ANO4: variants seen among roughly 807,000 people sequenced by gnomAD.
ANO4 encodes anoctamin 4.
Under a neutral mutation model 141.9 loss-of-function variants are expected in ANO4, and 69 were observed. The ratio of observed to expected loss-of-function variants is 0.49; its 90% CI spans 0.40 to 0.59. The LOEUF is 0.59. Ranked by LOEUF, ANO4 falls within the 20% of genes least tolerant of loss-of-function variation. ANO4 has a pLI of 0.00. For synonymous variants in ANO4, 350 were observed against 394.3 expected (o/e 0.89, Z 1.33); for missense variants, 894 against 1,162.2 (o/e 0.77, Z 3.36).
At chr12:100,920,376 T>G (rs1271606250) in intron 2 of ANO4, among the ~76,000 whole-genome samples, 1 of 152,160 alleles carries the variant, frequency 6.6e-6, no homozygotes, top group Non-Finnish European at 1.5e-5. Flanking sequence ...AATGATATCA[T>G]AAAGTACATA....
chr12:100,823,430 C>A (rs1005618173), intron 1 of ANO4, among the ~76,000 whole-genome samples: 1 of 151,914 alleles, frequency 6.6e-6, no homozygotes, highest in African/African-American at 2.4e-5. Flanking sequence ...CATTTAAATG[C>A]TAAATTTTCT....
intron 11 of ANO4, among the ~76,000 whole-genome samples, chr12:101,041,532 C>T (rs369272271): frequency 1.2e-4 from 18 of 151,992 alleles, no homozygotes; most frequent in African/African-American, 1.7e-4. Flanking sequence ...TAAGATTTTG[C>T]GGTTTTGGTT....
intron 8 of ANO4, among the ~76,000 whole-genome samples, chr12:101,010,812 A>G (rs899363366): frequency 6.6e-6 from 1 of 152,220 alleles, no homozygotes; most frequent in Admixed American, 6.5e-5. Flanking sequence ...ACATCAGAAA[A>G]GACTGGTATG....
intron 18 of ANO4, 74 bp from the exon 19 acceptor site, chr12:101,096,462 T>G (rs775361837): frequency 4.3e-6 from 5 of 1,174,306 alleles, no homozygotes; most frequent in South Asian, 1.3e-5. Context: ...CCTGTGTGTG[T>G]GGGGAGGGAA....
chr12:101,042,240 A>C, intron 11 of ANO4, 94 bp from the exon 12 acceptor site: 1 of 1,498,384 alleles, frequency 6.7e-7, no homozygotes, highest in Non-Finnish European at 9.1e-7. Flanking sequence ...TTACCTCGTA[A>C]GGCCGCTACA....
chr12:100,916,590 G>A (rs73389666), intron 2 of ANO4, among the ~76,000 whole-genome samples: 7,064 of 152,130 alleles, frequency 0.046, 568 homozygotes, highest in African/African-American at 0.16. Flanking sequence ...GGAAAAACTA[G>A]GAACTTAAAC....
intron 7 of ANO4, among the ~76,000 whole-genome samples, chr12:100,976,909 GTCT>G (rs978208909): frequency 6.6e-6 from 1 of 152,210 alleles, no homozygotes; most frequent in Non-Finnish European, 1.5e-5. Flanking sequence ...GTTGGGAGAA[GTCT>G]TATTCTTGTT....
At chr12:100,987,429 GGCCTGGAATGTGTGGTATGATAGTT>G (rs1412530223) in intron 7 of ANO4, 85 bp from the exon 8 acceptor site, 4 of 1,343,332 alleles carry the variant, frequency 3.0e-6, no homozygotes, top group Non-Finnish European at 4.1e-6. Flanking sequence ...GCAGTGAGAG[GGCCTGGAATGTGTGGTATGATAGTT>G]GTGGCTCTGC....
intron 3 of ANO4, among the ~76,000 whole-genome samples, chr12:100,765,112 C>T (rs997374633): frequency 5.9e-5 from 9 of 152,106 alleles, no homozygotes; most frequent in South Asian, 2.1e-4. Flanking sequence ...TGGAAGGTTT[C>T]GATTGCTGAT....
chr12:100,754,662 C>T (rs2032532196), intron 3 of ANO4, among the ~76,000 whole-genome samples: 1 of 152,022 alleles, frequency 6.6e-6, no homozygotes, highest in Non-Finnish European at 1.5e-5. Flanking sequence ...AAAAACAGCC[C>T]AAATGTCCAT....
rs1347902031 is a variant in ANO4 at position 101,127,062 on chromosome 12, T to G, written c.2860T>G (p.Trp954Gly). 1.2e-6 allele frequency: 2 copies of G among 1,612,608 alleles called. No individual in the cohort carries two copies. Residue 954 changes from tryptophan (W) to glycine (G), a missense_variant, in exon 27 of 28, where the codon TGG becomes GGG. Trp to Gly is a radical substitution (Grantham distance 184, BLOSUM62 -2). Transcript: ENST00000392977. Reference sequence around the variant, plus strand: ...GAATGGAAAAGCACACCACAACGAGTGGCCGTGACCATGTAGGTGAGAGGT... The same window carrying G: ...GAATGGAAAAGCACACCACAACGAGGGGCCGTGACCATGTAGGTGAGAGGT... ...KKNGKAHHNE[W>G]P
At chr12:100,919,738 A>ATCTATCTATCTATCTATCTG (rs2041539220) in intron 2 of ANO4, among the ~76,000 whole-genome samples, 1 of 105,772 alleles carries the variant, frequency 9.5e-6, no homozygotes, top group Admixed American at 8.6e-5. Flanking sequence ...GTATGTATGT[A>ATCTATCTATCTATCTATCTG]TCTATCTATC....
chr12:101,073,596 AAAAG>A (rs2048912916), intron 14 of ANO4, among the ~76,000 whole-genome samples: 2 of 149,488 alleles, frequency 1.3e-5, no homozygotes, highest in Admixed American at 6.7e-5. Context: ...TAATAATAAT[AAAAG>A]AAAATAATAG....
intron 1 of ANO4, among the ~76,000 whole-genome samples, chr12:100,805,937 G>A (rs1287189782): frequency 6.6e-6 from 1 of 152,162 alleles, no homozygotes; most frequent in Non-Finnish European, 1.5e-5. Flanking sequence ...AAGTGATGTT[G>A]TGGCAGGAAA....
chr12:101,020,625 G>C (rs113721902), intron 9 of ANO4, among the ~76,000 whole-genome samples: 18 of 152,282 alleles, frequency 1.2e-4, no homozygotes, highest in African/African-American at 4.3e-4. Context: ...TGAATGCTGG[G>C]GAACCAGTGT....
At chr12:100,804,168 T>C (rs1173499848) in intron 1 of ANO4, among the ~76,000 whole-genome samples, 2 of 152,164 alleles carry the variant, frequency 1.3e-5, no homozygotes, top group African/African-American at 4.8e-5. Context: ...TTTCTCATCA[T>C]TGAGCTCCCA....
intron 2 of ANO4, among the ~76,000 whole-genome samples, chr12:100,737,573 G>T (rs1265610574): frequency 6.6e-6 from 1 of 152,196 alleles, no homozygotes; most frequent in Admixed American, 6.5e-5. Flanking sequence ...GGCTGTGTGG[G>T]GTGGGACAGA....
chr12:100,987,430 G>A, intron 7 of ANO4, 109 bp from the exon 8 acceptor site: 2 of 1,352,100 alleles, frequency 1.5e-6, no homozygotes, highest in East Asian at 4.6e-5. Context: ...CAGTGAGAGG[G>A]CCTGGAATGT....
At chr12:100,797,947 G>T (rs1237677252) in intron 1 of ANO4, among the ~76,000 whole-genome samples, 1 of 152,160 alleles carries the variant, frequency 6.6e-6, no homozygotes, top group Non-Finnish European at 1.5e-5. Context: ...TCATGTAACT[G>T]AGGGAAGAAA....
Sources: allele counts gnomAD v4.1 joint callset (sites outside exome capture counted in the v4.1 genomes callset), GRCh38; gene constraint gnomAD v4.1.1; transcripts MANE v1.5; gene names NCBI Gene and HGNC (gene_info 2026-07-23, HGNC 2026-07-21).